Variants in VSTM2B observed in about 807,000 individuals in gnomAD.
VSTM2B encodes V-set and transmembrane domain-containing protein 2B.
In VSTM2B, 24 loss-of-function variants were observed where a neutral mutation model predicts 24.0. That is an observed-to-expected ratio of 1.00 (90% confidence interval 0.72 to 1.40). VSTM2B has a LOEUF of 1.40. Ranked by LOEUF, VSTM2B falls within the 40% of genes most tolerant of loss-of-function variation. The pLI is 0.00. For missense variants in VSTM2B, 399 were observed against 416.4 expected, an observed-to-expected ratio of 0.96 and a Z score of 0.36; for synonymous variants, 226 against 194.4, an observed-to-expected ratio of 1.16 and a Z score of -1.35.
intron 4 of VSTM2B, among the ~76,000 whole-genome samples, chr19:29,550,974 C>T (rs1970269957): frequency 6.6e-6 from 1 of 152,210 alleles, no homozygotes; most frequent in Non-Finnish European, 1.5e-5. Context: ...TCTTCTAAGC[C>T]ACGGCCAGAA....
At chr19:29,548,580 C>A (rs1182659604) in intron 4 of VSTM2B, among the ~76,000 whole-genome samples, 1 of 152,214 alleles carries the variant, frequency 6.6e-6, no homozygotes, top group African/African-American at 2.4e-5. Context: ...AGCCTCCTTG[C>A]AAGGTGGCAG....
chr19:29,537,549 T>A (rs1468814796), intron 4 of VSTM2B, among the ~76,000 whole-genome samples: 2 of 152,136 alleles, frequency 1.3e-5, no homozygotes, highest in Non-Finnish European at 2.9e-5. Context: ...TCGTTACTGC[T>A]CTCTGGGCTA....
intron 3 of VSTM2B, among the ~76,000 whole-genome samples, 161 bp downstream of exon 3, chr19:29,528,623 G>T (rs1415341931): frequency 6.6e-6 from 1 of 152,234 alleles, no homozygotes; most frequent in South Asian, 2.1e-4. Flanking sequence ...GTGTCCGGGC[G>T]CCATCTGTCG....
intron 4 of VSTM2B, among the ~76,000 whole-genome samples, chr19:29,530,600 A>C (rs1350352702): frequency 6.6e-6 from 1 of 152,084 alleles, no homozygotes; most frequent in Non-Finnish European, 1.5e-5. Flanking sequence ...GGTTTGGAGA[A>C]CTGGACCCTG....
chr19:29,531,743 C>A (rs556715136), intron 4 of VSTM2B, among the ~76,000 whole-genome samples: 1 of 152,378 alleles, frequency 6.6e-6, no homozygotes, highest in East Asian at 1.9e-4. Context: ...GAACTTTCCA[C>A]CCTCTGCACT....
upstream of VSTM2B, chr19:29,525,468 C>A (rs1969533928): frequency 6.6e-6 from 1 of 151,682 alleles, no homozygotes; most frequent in Admixed American, 6.6e-5. Context: ...GCGCCGCAGG[C>A]ACCTGCTCGC....
rs535869286 is a variant in VSTM2B, at chr19:29,527,516, C to G, written c.267+121C>G. On this transcript the variant is annotated intron_variant, in intron 2 of 4. Coordinates refer to ENST00000335523, the MANE Select transcript of VSTM2B (RefSeq NM_001146339.2). The stretch of plus-strand genomic sequence containing the variant: ...CAGGGCGCCGCCCTGTGGCGCAGCC[C>G]ATCTTCCACCTTCGCATCCCAAAGC... The G allele has an allele frequency of 5.6e-5, 48 of 851,390 alleles. No individual in the cohort carries two copies. The African/African-American group carries it at 6.5e-4, about 12-fold the overall frequency. The allele number at this position is 851,390 out of a possible 1,614,324, so 52.7% of individuals were successfully genotyped here. A position where few individuals can be genotyped will look rare whatever the true frequency, so the allele number is the denominator to read the frequency against.
intron 4 of VSTM2B, among the ~76,000 whole-genome samples, chr19:29,540,936 A>G (rs1970005710): frequency 6.6e-6 from 1 of 152,154 alleles, no homozygotes; most frequent in Admixed American, 6.5e-5. Context: ...ATAATCAGGA[A>G]GACAGTTAAG....
At chr19:29,544,758 C>A (rs1257108513) in intron 4 of VSTM2B, among the ~76,000 whole-genome samples, 2 of 152,126 alleles carry the variant, frequency 1.3e-5, no homozygotes, top group Admixed American at 6.5e-5. Context: ...GGCCTCTCAG[C>A]CCCAGCTTGT....
intron 2 of VSTM2B, among the ~76,000 whole-genome samples, chr19:29,527,664 C>T (rs1477022901): frequency 1.3e-5 from 2 of 152,218 alleles, no homozygotes; most frequent in African/African-American, 4.8e-5. Flanking sequence ...TCAGCCTGGT[C>T]GCTTGCTCGT....
Position 29,530,043 on chromosome 19 carries a change from C to A in VSTM2B, c.522C>A (p.His174Gln). ...SHIQSSGPRR[H>Q]GPASAANANN... ...TCCAGAGCAGCGGCCCGCGTCGCCA[C>A]GGCCCAGCCAGCGCCGCCAACGCCA... The change falls in exon 4 of 5, where the codon CAC (histidine) becomes CAA (glutamine). Residue 174 changes from histidine (H) to glutamine (Q), a missense_variant. By Grantham distance (24) the His-to-Gln change is conservative. Transcript: ENST00000335523. The A allele has an allele frequency of 1.3e-6, 2 of 1,524,812 alleles. No homozygotes were observed. Among genetic ancestry groups the A allele is most frequent in the Non-Finnish European group, 1.8e-6 (2 of 1,141,964 alleles). 94.5% of individuals were successfully genotyped at this position (1,524,812 alleles called of 1,614,324 possible). A position where few individuals can be genotyped will look rare whatever the true frequency, so the allele number is the denominator to read the frequency against.
At chr19:29,562,333 A>G (rs1269487093) in intron 4 of VSTM2B, among the ~76,000 whole-genome samples, 1 of 152,144 alleles carries the variant, frequency 6.6e-6, no homozygotes, top group Non-Finnish European at 1.5e-5. Flanking sequence ...ACCTGGAGAG[A>G]GGAGAGCTGT....
chr19:29,537,732 C>T (rs1969924564), intron 4 of VSTM2B, among the ~76,000 whole-genome samples: 1 of 148,956 alleles, frequency 6.7e-6, no homozygotes, highest in Non-Finnish European at 1.5e-5. Context: ...CACCCACCTA[C>T]TCTCCCGCAC....
chr19:29,552,464 G>T (rs557899265), intron 4 of VSTM2B, among the ~76,000 whole-genome samples: 3 of 152,168 alleles, frequency 2.0e-5, no homozygotes, highest in African/African-American at 7.2e-5. Flanking sequence ...CCTGGGAGCC[G>T]CATGGGGCAA....
At chr19:29,533,329 C>T (rs908466127) in intron 4 of VSTM2B, among the ~76,000 whole-genome samples, 13 of 152,200 alleles carry the variant, frequency 8.5e-5, no homozygotes, top group Non-Finnish European at 1.8e-4. Flanking sequence ...CCCAGCGGGG[C>T]TGACAGCAGC....
intron 4 of VSTM2B, among the ~76,000 whole-genome samples, chr19:29,547,887 G>A (rs990024891): frequency 6.6e-6 from 1 of 152,240 alleles, no homozygotes; most frequent in African/African-American, 2.4e-5. Context: ...TCAGATTGAA[G>A]TGGGGGGATG....
intron 4 of VSTM2B, among the ~76,000 whole-genome samples, chr19:29,538,659 T>C (rs1969952190): frequency 6.6e-6 from 1 of 152,216 alleles, no homozygotes; most frequent in Admixed American, 6.5e-5. Flanking sequence ...AGCATCTACT[T>C]GGCTTCTGGT....
At chr19:29,535,420 A>C (rs1162204395) in intron 4 of VSTM2B, among the ~76,000 whole-genome samples, 1 of 152,164 alleles carries the variant, frequency 6.6e-6, no homozygotes, top group Admixed American at 6.5e-5. Context: ...GTGAACCTCT[A>C]ATTAGCCTCA....
chr19:29,540,259 TAGCCCCTGCCCCAGGTAG>T (rs1969992328), intron 4 of VSTM2B, among the ~76,000 whole-genome samples: 1 of 152,232 alleles, frequency 6.6e-6, no homozygotes, highest in Non-Finnish European at 1.5e-5. Context: ...CAGGCAGACC[TAGCCCCTGCCCCAGGTAG>T]GAGCTCATGG....
Sources: allele counts gnomAD v4.1 joint callset (sites outside exome capture counted in the v4.1 genomes callset), GRCh38; gene constraint gnomAD v4.1.1; transcripts MANE v1.5; gene names NCBI Gene and HGNC (gene_info 2026-07-23, HGNC 2026-07-21).